CNOT1: variants seen among roughly 807,000 people sequenced by gnomAD.
The protein encoded by CNOT1 is CCR4-NOT transcription complex subunit 1.
Under a neutral mutation model 273.8 loss-of-function variants are expected in CNOT1, and 15 were observed. The observed-to-expected ratio is 0.05, with a 90% CI of 0.04 to 0.08. The LOEUF (loss-of-function observed/expected upper bound fraction) is 0.08, where lower values mean the gene tolerates loss of function less well. CNOT1 is among the 10% of genes least tolerant of loss of function. The pLI is 1.00. For synonymous variants in CNOT1, 1,022 were observed against 1,005.5 expected (o/e 1.02, Z -0.31); for missense variants, 1,644 against 2,912.2 (o/e 0.56, Z 10.02).
intron 13 of CNOT1, among the ~76,000 whole-genome samples, chr16:58,577,091 CTTTT>C (rs11287356): frequency 9.5e-5 from 14 of 148,072 alleles, no homozygotes; most frequent in African/African-American, 2.7e-4. Flanking sequence ...AATTCCATTT[CTTTT>C]TTTTTTTTTA....
chr16:58,622,543 G>A (rs1011892591), intron 1 of CNOT1, among the ~76,000 whole-genome samples: 1 of 152,090 alleles, frequency 6.6e-6, no homozygotes, highest in Non-Finnish European at 1.5e-5. Flanking sequence ...CTCGGAAACT[G>A]CTGAGTTCTG....
chr16:58,589,092 G>T (rs114929696), intron 2 of CNOT1, among the ~76,000 whole-genome samples, 186 bp from the exon 3 acceptor site: 253 of 151,706 alleles, frequency 1.7e-3, no homozygotes, highest in African/African-American at 5.9e-3. Context: ...TTTTTTTTTA[G>T]AGAGGGTCCA....
intron 1 of CNOT1, among the ~76,000 whole-genome samples, chr16:58,612,672 G>T (rs1011768396): frequency 9.9e-5 from 15 of 152,122 alleles, no homozygotes; most frequent in Non-Finnish European, 1.8e-4. Context: ...CCAGGAGGGG[G>T]ATGTTGCAGT....
Position 58,551,770 on chromosome 16 carries a change from C to T in CNOT1, c.3020G>A (p.Gly1007Asp). 6.2e-7 allele frequency: 1 copy of T among 1,614,152 alleles called. No individual in the cohort carries two copies. The highest frequency in any genetic ancestry group is 1.3e-5 in the African/African-American group (1 of 75,024). The stretch of plus-strand genomic sequence containing the variant: ...AATACTTCCAGGGGTTGTGATAGAG[C>T]CTTGCATTTTCACAGGAGGATCTCT... ...QSRDPPVKMQ[G>D]SITTPGSIAL... Residue 1007 changes from glycine to aspartate, a missense_variant, in exon 23 of 49, where the codon GGC becomes GAC. This residue lies in a region of CNOT1 where 77 missense variants were observed against 90.5 expected (regional missense o/e 0.85). Transcript: ENST00000317147.
chr16:58,523,793 C>A, intron 46 of CNOT1: 1 of 252,440 alleles, frequency 4.0e-6, no homozygotes, highest in South Asian at 8.2e-5. Flanking sequence ...AGTCTTTCTA[C>A]ATTTTGCAGA....
intron 35 of CNOT1, 89 bp from the exon 36 acceptor site, chr16:58,539,003 A>T (rs2039996966): frequency 6.6e-7 from 1 of 1,522,428 alleles, no homozygotes; most frequent in Non-Finnish European, 8.8e-7. Context: ...AATGCCAAGT[A>T]CCAAATACCT....
rs755644777 is a variant in CNOT1, at chr16:58,578,854, T to C, written c.1429A>G (p.Ile477Val). The change falls in exon 13 of 49, where the codon ATC (isoleucine) becomes GTC (valine). Residue 477 changes from isoleucine to valine, a missense_variant. Physicochemically the swap from Ile to Val is conservative, Grantham distance 29. Transcript: ENST00000317147. ...EQVKQLFSFP[I>V]KHCPDMLVLA... ...ACCAGCATGTCTGGACAGTGTTTGA[T>C]AGGGAAGCTGAAGAGCTGTTTGACT... 1.9e-6 allele frequency: 3 copies of C among 1,614,154 alleles called. No homozygotes were observed. Among genetic ancestry groups the C allele is most frequent in the East Asian group, 2.2e-5 (1 of 44,876 alleles).
intron 39 of CNOT1, among the ~76,000 whole-genome samples, chr16:58,535,018 A>C (rs917059719): frequency 2.6e-5 from 4 of 152,236 alleles, no homozygotes; most frequent in Admixed American, 2.0e-4. Flanking sequence ...AGGAAAAATT[A>C]GAAACTATAT....
intron 42 of CNOT1, 116 bp from the exon 43 acceptor site, chr16:58,530,463 A>G (rs1567387850): frequency 1.6e-6 from 1 of 639,262 alleles, no homozygotes; most frequent in African/African-American, 1.8e-5. Flanking sequence ...AGTAGAGAAT[A>G]CTAATGTTAA....
At chr16:58,573,539 G>A (rs572700723) in intron 16 of CNOT1, among the ~76,000 whole-genome samples, 41 of 145,636 alleles carry the variant, frequency 2.8e-4, no homozygotes, top group African/African-American at 1.0e-3. Context: ...GGAGTGCAGT[G>A]GCGAGATCTC....
chr16:58,522,786 C>CA (rs1254738888), intron 47 of CNOT1, among the ~76,000 whole-genome samples: 1 of 152,218 alleles, frequency 6.6e-6, no homozygotes, highest in East Asian at 1.9e-4. Context: ...GACCTTTAAT[C>CA]AAAATGTGCC....
intron 1 of CNOT1, chr16:58,624,817 G>C (rs538356154): frequency 6.6e-6 from 1 of 152,004 alleles, no homozygotes; most frequent in Admixed American, 6.6e-5. Flanking sequence ...ACAAACAAAC[G>C]AAAAAACTCA....
chr16:58,586,693 T>C lies in CNOT1; in HGVS notation c.489A>G (p.Ala163=). The C allele has an allele frequency of 1.9e-6, 3 of 1,613,404 alleles. No homozygotes were observed. Among genetic ancestry groups the C allele is most frequent in the Non-Finnish European group, 2.5e-6 (3 of 1,179,932 alleles). ...CACCTTCTTGATTTCCACTGACGTC[T>C]GCGTCAATGTAAGAACGCAGAAGAT... ...LPDLLRSYID[A]DVSGNQEGGF... is the part of the protein sequence containing the mutation. Residue 163 remains alanine (A), a synonymous_variant, in exon 7 of 49, where the codon GCA becomes GCG. Coordinates refer to ENST00000317147, the MANE Select transcript of CNOT1 (RefSeq NM_016284.5).
intron 1 of CNOT1, among the ~76,000 whole-genome samples, chr16:58,616,063 C>A (rs2043068504): frequency 8.0e-6 from 1 of 124,480 alleles, no homozygotes; most frequent in South Asian, 2.3e-4. Context: ...CAGGGCAAGA[C>A]ACTGACTCTA....
At chr16:58,546,575 T>G (rs2040261734) in intron 28 of CNOT1, 77 bp from the exon 29 acceptor site, 7 of 1,604,916 alleles carry the variant, frequency 4.4e-6, no homozygotes, top group Non-Finnish European at 6.0e-6. Flanking sequence ...TACTTTCAGT[T>G]ATTATAGTAC....
intron 1 of CNOT1, among the ~76,000 whole-genome samples, chr16:58,611,797 G>C (rs1476928682): frequency 6.8e-6 from 1 of 147,228 alleles, no homozygotes; most frequent in Non-Finnish European, 1.5e-5. Flanking sequence ...CTCCAGCCTG[G>C]AAGACAGAAC....
intron 31 of CNOT1, among the ~76,000 whole-genome samples, 176 bp from the exon 32 acceptor site, chr16:58,542,744 T>TAA (rs2040131927): frequency 6.6e-6 from 1 of 152,188 alleles, no homozygotes; most frequent in Admixed American, 6.5e-5. Context: ...TCCTCACTTT[T>TAA]AAGACAAAAA....
chr16:58,543,080 G>A, intron 31 of CNOT1: 2 of 1,222,696 alleles, frequency 1.6e-6, no homozygotes, highest in Non-Finnish European at 2.1e-6. Context: ...GCTACAGAGT[G>A]AGACCCTGTC....
At chr16:58,535,568 G>T (rs186641053) in intron 39 of CNOT1, among the ~76,000 whole-genome samples, 2 of 152,256 alleles carry the variant, frequency 1.3e-5, no homozygotes, top group East Asian at 3.9e-4. Context: ...AAGACCAATG[G>T]ATTCCAATTT....
Sources: allele counts gnomAD v4.1 joint callset (sites outside exome capture counted in the v4.1 genomes callset), GRCh38; gene constraint gnomAD v4.1.1; regional missense constraint gnomAD v4.1.1; transcripts MANE v1.5; gene names NCBI Gene and HGNC (gene_info 2026-07-23, HGNC 2026-07-21).